Variants in BDNF observed in about 807,000 individuals in gnomAD.
BDNF encodes the protein neurotrophic factor BDNF precursor form.
Under a neutral mutation model 19.5 loss-of-function variants are expected in BDNF, and 1 was observed. The observed-to-expected ratio is 0.05, with a 90% confidence interval of 0.02 to 0.24. BDNF has a LOEUF of 0.24. Ranked by LOEUF, BDNF falls within the 10% of genes least tolerant of loss-of-function variation. The pLI is 1.00. For missense variants in BDNF, 195 were observed against 317.6 expected (o/e 0.61, Z 2.93); for synonymous variants, 100 against 121.6 (o/e 0.82, Z 1.17).
At position 27,674,118 on chromosome 11, in the gene BDNF, A is replaced by G. The variant is rs551669106; in HGVS notation, c.-21-15533T>C. On this transcript the variant is annotated intron_variant, in intron 1 of 1. Transcript: ENST00000356660. ...AAATTCCACTGAAACGTGGAGGTAC[A>G]CAGCACAGCCCTTCTTCTGGGATGC... The G allele has an allele frequency of 1.2e-4, 191 of 1,612,152 alleles. 1 individual carries two copies. The highest frequency in any genetic ancestry group is 2.3e-4 in the Admixed American group (14 of 59,676).
In BDNF at chr11:27,658,825, A is replaced by G; in HGVS notation, c.-21-240T>C. On this transcript the variant is annotated intron_variant, in intron 1 of 1. Coordinates refer to ENST00000356660, the MANE Select transcript of BDNF (RefSeq NM_001709.5). The surrounding 1 kb of genome is among the most constrained non-coding windows in gnomAD (Gnocchi z 5.7). ...CCAAGATCTAGCATATAAACCTGAG[A>G]TTAGATGGCTTCTAAGCAAGTGCAA... The G allele has an allele frequency of 1.4e-6, 2 of 1,396,460 alleles. No homozygotes were observed. Among genetic ancestry groups the G allele is most frequent in the Admixed American group, 3.2e-5 (1 of 31,722 alleles). The allele number at this position is 1,396,460 out of a possible 1,614,324, so 86.5% of individuals were successfully genotyped here. A position where few individuals can be genotyped will look rare whatever the true frequency, so the allele number is the denominator to read the frequency against.
chr11:27,678,287 C>T (rs1418098996), intron 1 of BDNF, among the ~76,000 whole-genome samples: 1 of 152,178 alleles, frequency 6.6e-6, no homozygotes, highest in Non-Finnish European at 1.5e-5. Flanking sequence ...CAAACAGCAG[C>T]TGTGAAACAC....
intron 1 of BDNF, chr11:27,699,355 ATTTCTT>A (rs770866308): frequency 1.2e-6 from 2 of 1,613,414 alleles, no homozygotes; most frequent in Non-Finnish European, 1.7e-6. Flanking sequence ...ATCCTCAGCT[ATTTCTT>A]TCCAGGAGTA....
At position 27,718,354 on chromosome 11, in the gene BDNF, A is replaced by ACAC. The variant is rs1554950385; in HGVS notation, c.3+3057_3+3058insGTG. On this transcript the variant is annotated intron_variant, in intron 1 of 1. Coordinates refer to the BDNF transcript ENST00000314915. Reference sequence around the variant, plus strand: ...TCCTCCATTCCCCGTTCCGCACACCACCCCCCCCCGCCCCTCCCGGGATTT... The same window carrying ACAC: ...TCCTCCATTCCCCGTTCCGCACACCACACCCCCCCCCCGCCCCTCCCGGGATTT... 7.9e-5 allele frequency among the ~76,000 whole-genome samples: 8 copies of ACAC among 101,142 alleles called. No homozygotes were observed. The South Asian group carries it at 3.0e-3, about 38-fold the overall frequency. The allele number at this position is 101,142 out of a possible 152,430, so 66.4% of individuals were successfully genotyped here. A position where few individuals can be genotyped will look rare whatever the true frequency, so the allele number is the denominator to read the frequency against.
chr11:27,674,510 G>A (rs1289029436), intron 1 of BDNF: 1 of 985,040 alleles, frequency 1.0e-6, no homozygotes, highest in South Asian at 4.7e-5. Flanking sequence ...TGCATAATGA[G>A]CCATGTGGAC....
chr11:27,720,847 G>T, intron 1 of BDNF: 1 of 861,050 alleles, frequency 1.2e-6, no homozygotes, highest in Non-Finnish European at 1.4e-6. Flanking sequence ...AAGCCATCCT[G>T]TTAATAGTTG....
At chr11:27,680,600 C>T (rs1158195190) in intron 1 of BDNF, among the ~76,000 whole-genome samples, 1 of 152,162 alleles carries the variant, frequency 6.6e-6, no homozygotes, top group Non-Finnish European at 1.5e-5. Flanking sequence ...TTAGCAAGTA[C>T]CTACAGAGCC....
intron 1 of BDNF, among the ~76,000 whole-genome samples, chr11:27,687,279 A>G (rs1261132237): frequency 1.3e-5 from 2 of 152,124 alleles, no homozygotes; most frequent in African/African-American, 4.8e-5. Flanking sequence ...GTTCTTCTCT[A>G]AACTAGTTAT....
At chr11:27,719,765 G>C (rs1482894021) in intron 1 of BDNF, 1 of 171,894 alleles carries the variant, frequency 5.8e-6, no homozygotes, top group Admixed American at 6.7e-5. Flanking sequence ...GCGGGAAGGA[G>C]GGAGGGAGGG....
At position 27,658,631 on chromosome 11, in the gene BDNF, T is replaced by G. The variant is rs201522102; in HGVS notation, c.-21-46A>C. The G allele has an allele frequency of 2.5e-6, 4 of 1,613,900 alleles. No individual in the cohort carries two copies. Among genetic ancestry groups the G allele is most frequent in the East Asian group, 2.2e-5 (1 of 44,894 alleles). On this transcript the variant is annotated intron_variant, in intron 1 of 1. Coordinates refer to ENST00000356660, the MANE Select transcript of BDNF (RefSeq NM_001709.5). The surrounding 1 kb of genome is among the most constrained non-coding windows in gnomAD (Gnocchi z 5.7). Reference sequence around the variant, plus strand: ...CAAGACAGAAAACTGGTTAGGGCTTTCTTTCACCGGGATGCCATGTGGCCC... The same window carrying G: ...CAAGACAGAAAACTGGTTAGGGCTTGCTTTCACCGGGATGCCATGTGGCCC...
chr11:27,719,586 G>C (rs1860667578), intron 1 of BDNF: 1 of 985,258 alleles, frequency 1.0e-6, no homozygotes. Flanking sequence ...TTGAGAAAGC[G>C]GGAACCCTCT....
chr11:27,673,909 CAA>C (rs1855734589), intron 1 of BDNF: 5 of 918,664 alleles, frequency 5.4e-6, no homozygotes, highest in African/African-American at 5.0e-5. Context: ...TTTAAAAAAA[CAA>C]GAGAGATGAA....
intron 1 of BDNF, chr11:27,674,392 A>G: frequency 6.8e-7 from 1 of 1,475,748 alleles, no homozygotes; most frequent in Non-Finnish European, 9.0e-7. Context: ...TGCAGGAGGA[A>G]ATATAATTGA....
In BDNF at chr11:27,658,227, T is replaced by A. The variant is rs1302619105; in HGVS notation, c.338A>T (p.Tyr113Phe). The A allele has an allele frequency of 6.2e-7, 1 of 1,613,952 alleles. No homozygotes were observed. Among genetic ancestry groups the A allele is most frequent in the Non-Finnish European group, 8.5e-7 (1 of 1,180,014 alleles). Reference sequence around the variant, plus strand: ...GTTTGCAGCATCTAGGTAATTTTTGTATTCCTCCAGCAGAAAGAGAAGAGG... The same window carrying A: ...GTTTGCAGCATCTAGGTAATTTTTGAATTCCTCCAGCAGAAAGAGAAGAGG... The part of the protein sequence containing the change: ...EPPLLFLLEE[Y>F]KNYLDAANMS... Residue 113 changes from tyrosine (Y) to phenylalanine (F), a missense_variant, in exon 2 of 2, where the codon TAC becomes TTC. Physicochemically the swap from Tyr to Phe is conservative, Grantham distance 22 (BLOSUM62 3). Transcript: ENST00000356660. The surrounding 1 kb of genome is among the most constrained non-coding windows in gnomAD (Gnocchi z 5.7).
chr11:27,717,835 T>C (rs1383398385), intron 1 of BDNF, among the ~76,000 whole-genome samples: 1 of 151,318 alleles, frequency 6.6e-6, no homozygotes. Flanking sequence ...ACAGTTTAGG[T>C]GAAACCATGT....
intron 1 of BDNF, among the ~76,000 whole-genome samples, chr11:27,709,577 A>G (rs1860245605): frequency 6.6e-6 from 1 of 152,192 alleles, no homozygotes; most frequent in Non-Finnish European, 1.5e-5. Flanking sequence ...CAGAAGAAAT[A>G]TCTTTGTCAT....
At chr11:27,719,113 C>G (rs1055529711) in intron 1 of BDNF, among the ~76,000 whole-genome samples, 24 of 152,344 alleles carry the variant, frequency 1.6e-4, no homozygotes, top group African/African-American at 5.5e-4. Context: ...CCGCGCGTTC[C>G]GGCAGTTCGC....
chr11:27,721,182 T>A (rs1012097177), intron 1 of BDNF, among the ~76,000 whole-genome samples: 3 of 151,846 alleles, frequency 2.0e-5, no homozygotes, highest in Non-Finnish European at 4.4e-5. Flanking sequence ...ACAACCAATA[T>A]AACACACACC....
intron 1 of BDNF, chr11:27,699,735 C>G (rs1216216280): frequency 7.5e-7 from 1 of 1,340,782 alleles, no homozygotes; most frequent in African/African-American, 1.5e-5. Flanking sequence ...CAAGTCGGCG[C>G]GGGGACCACC....
Sources: allele counts gnomAD v4.1 joint callset (sites outside exome capture counted in the v4.1 genomes callset), GRCh38; gene constraint gnomAD v4.1.1; non-coding constraint Gnocchi (gnomAD v3.1); transcripts MANE v1.5; gene names NCBI Gene and HGNC (gene_info 2026-07-23, HGNC 2026-07-21).